The following GFI1B variants were observed in gnomAD, a reference collection of about 807,000 sequenced individuals.
The protein encoded by GFI1B is growth factor independent 1B transcriptional repressor, also known as zinc finger protein Gfi-1b.
GFI1B carries 20 observed loss-of-function variants against 35.3 expected under a neutral mutation model. The ratio of observed to expected loss-of-function variants is 0.57; its 90% CI spans 0.40 to 0.82. GFI1B has a LOEUF of 0.82. GFI1B is among the 40% of genes least tolerant of loss of function. The pLI is 0.00. For synonymous variants in GFI1B, 178 were observed against 177.6 expected (o/e 1.00, Z -0.02); for missense variants, 430 against 446.3 (o/e 0.96, Z 0.33).
chr9:132,992,043 G>T (rs1315690408), downstream of GFI1B, among the ~76,000 whole-genome samples: 1 of 152,114 alleles, frequency 6.6e-6, no homozygotes, highest in Non-Finnish European at 1.5e-5. Flanking sequence ...GTCTCATGGG[G>T]CTAACATCAA....
chr9:132,946,866 A>G lies in GFI1B; in HGVS notation c.-701+1197A>G, dbSNP rs1848116460. ...TCACTTTCCAGGGGGCCATAACCAC[A>G]TTGTCACTGTTTCTACACTGTCTGG... On this transcript the variant is annotated intron_variant, in intron 1 of 10. Coordinates refer to the GFI1B transcript ENST00000339463. 2.0e-5 allele frequency: 3 copies of G among 152,414 alleles called. No individual in the cohort carries two copies. The South Asian group carries it at 6.2e-4, about 32-fold the overall frequency. The allele number at this position is 152,414 out of a possible 1,614,324, so 9.4% of individuals were successfully genotyped here.
At chr9:132,980,999 G>A (rs1386699394) in intron 1 of GFI1B, among the ~76,000 whole-genome samples, 1 of 152,154 alleles carries the variant, frequency 6.6e-6, no homozygotes, top group Non-Finnish European at 1.5e-5. Context: ...GGGTTCAAGC[G>A]ATTCTCCTGC....
At chr9:132,971,682 C>T (rs1410315344) in intron 1 of GFI1B, among the ~76,000 whole-genome samples, 3 of 152,074 alleles carry the variant, frequency 2.0e-5, no homozygotes, top group Non-Finnish European at 2.9e-5. Flanking sequence ...ACTTCAAAAA[C>T]GTTACTGTTG....
chr9:132,993,140 A>G (rs765666390), downstream of GFI1B, among the ~76,000 whole-genome samples: 2 of 152,160 alleles, frequency 1.3e-5, no homozygotes, highest in Non-Finnish European at 2.9e-5. Flanking sequence ...TTAAACATAC[A>G]AAAATTAGCT....
At chr9:132,970,500 C>A (rs1176981130) in intron 1 of GFI1B, among the ~76,000 whole-genome samples, 1 of 152,126 alleles carries the variant, frequency 6.6e-6, no homozygotes, top group Non-Finnish European at 1.5e-5. Context: ...TTGCATGCAT[C>A]CATGGCCACG....
At position 132,981,723 on chromosome 9, in the gene GFI1B, G is replaced by A. The variant is rs373720576; in HGVS notation, c.-21+2882G>A. On this transcript the variant is annotated intron_variant, in intron 1 of 6. Coordinates refer to ENST00000372122, the MANE Select transcript of GFI1B (RefSeq NM_001377304.1). ...GCCTGACCTGGGCTCATTTTCCCCC[G>A]ACTCCTCCACGGACAAGTCTTGTTT... Among the ~76,000 whole-genome samples, 909 of 152,044 alleles carry A rather than the reference G, an allele frequency of 6.0e-3. 4 individuals carry two copies. The highest frequency in any genetic ancestry group is 8.2e-3 in the Non-Finnish European group (556 of 67,980).
At chr9:132,961,313 T>C (rs1848359602) in intron 1 of GFI1B, among the ~76,000 whole-genome samples, 1 of 151,304 alleles carries the variant, frequency 6.6e-6, no homozygotes, top group African/African-American at 2.4e-5. Context: ...AGTCAGAAGA[T>C]AAATGATAGA....
At chr9:132,992,356 C>G (rs1292000631), downstream of GFI1B, among the ~76,000 whole-genome samples, 1 of 152,068 alleles carries the variant, frequency 6.6e-6, no homozygotes, top group African/African-American at 2.4e-5. Flanking sequence ...ACATCCTAAC[C>G]CTGGAACCTA....
At chr9:132,969,230 C>A (rs1848496976) in intron 1 of GFI1B, among the ~76,000 whole-genome samples, 1 of 152,116 alleles carries the variant, frequency 6.6e-6, no homozygotes, top group South Asian at 2.1e-4. Flanking sequence ...TGGGTTTCGC[C>A]ATGTTGGCCA....
upstream of GFI1B, among the ~76,000 whole-genome samples, chr9:132,975,716 GA>G (rs1359246385): frequency 2.0e-5 from 3 of 152,196 alleles, no homozygotes; most frequent in African/African-American, 7.2e-5. Flanking sequence ...GCTGATACAC[GA>G]AAGGTACCTA....
At chr9:132,964,527 G>A (rs573303697) in intron 1 of GFI1B, among the ~76,000 whole-genome samples, 5 of 152,242 alleles carry the variant, frequency 3.3e-5, no homozygotes, top group African/African-American at 9.6e-5. Flanking sequence ...AGGCCATGAC[G>A]GGCGGGTTCT....
chr9:132,977,266 A>C (rs1014367574), upstream of GFI1B, among the ~76,000 whole-genome samples: 1 of 151,950 alleles, frequency 6.6e-6, no homozygotes, highest in African/African-American at 2.4e-5. Context: ...GCCAATAATA[A>C]TTTTTTAAAA....
At chr9:132,967,074 A>G (rs1197482251) in intron 1 of GFI1B, among the ~76,000 whole-genome samples, 3 of 152,134 alleles carry the variant, frequency 2.0e-5, no homozygotes. Flanking sequence ...CAGTAGATTA[A>G]TGCTGTTACC....
At chr9:132,955,330 C>A (rs1422209749) in intron 1 of GFI1B, among the ~76,000 whole-genome samples, 1 of 151,996 alleles carries the variant, frequency 6.6e-6, no homozygotes, top group Non-Finnish European at 1.5e-5. Flanking sequence ...TACTCTGTCA[C>A]CCGGGATGGA....
intron 1 of GFI1B, among the ~76,000 whole-genome samples, chr9:132,961,276 A>G (rs989647820): frequency 2.0e-4 from 31 of 152,170 alleles, no homozygotes; most frequent in African/African-American, 7.2e-4. Context: ...AACCTTTTCC[A>G]TGGTAAGAAG....
chr9:132,975,777 C>T (rs1474730912), upstream of GFI1B, among the ~76,000 whole-genome samples: 2 of 152,194 alleles, frequency 1.3e-5, no homozygotes, highest in Non-Finnish European at 2.9e-5. Flanking sequence ...CATGGGAATG[C>T]GGAAGCGATT....
At chr9:132,973,075 G>A (rs1432085899) in intron 2 of GFI1B, among the ~76,000 whole-genome samples, 5 of 152,346 alleles carry the variant, frequency 3.3e-5, no homozygotes, top group African/African-American at 1.2e-4. Flanking sequence ...GAGCCCCAAT[G>A]CCCAGCCGGC....
intron 1 of GFI1B, among the ~76,000 whole-genome samples, chr9:132,946,376 C>G (rs1018821243): frequency 6.6e-6 from 1 of 152,152 alleles, no homozygotes; most frequent in Non-Finnish European, 1.5e-5. Context: ...TCATTAAGCT[C>G]TAAGTGGCAC....
rs763603738 is a variant in GFI1B, at chr9:132,988,289, T to C, written c.331T>C (p.Leu111=). Residue 111 remains leucine, a synonymous_variant, in exon 4 of 7, where the codon TTG becomes CTG. Coordinates refer to ENST00000372122, the MANE Select transcript of GFI1B (RefSeq NM_001377304.1). ...FYKPSFSWDT[L]ATTYGHSYRQ... is the part of the protein sequence containing the mutation. The stretch of plus-strand genomic sequence containing the variant: ...CAAGCCTAGCTTCTCCTGGGACACC[T>C]TGGCCACAACCTATGGCCACAGCTA... 1.2e-6 allele frequency: 2 copies of C among 1,613,946 alleles called. No homozygotes were observed. Among genetic ancestry groups the C allele is most frequent in the Non-Finnish European group, 1.7e-6 (2 of 1,179,914 alleles).
Sources: allele counts gnomAD v4.1 joint callset (sites outside exome capture counted in the v4.1 genomes callset), GRCh38; gene constraint gnomAD v4.1.1; transcripts MANE v1.5; gene names NCBI Gene and HGNC (gene_info 2026-07-23, HGNC 2026-07-21).